NAF1: variants seen among roughly 807,000 people sequenced by gnomAD.
NAF1 encodes the protein nuclear assembly factor 1 ribonucleoprotein.
In NAF1, 11 loss-of-function variants were observed where a neutral mutation model predicts 40.6. The observed-to-expected ratio is 0.27, with a 90% confidence interval of 0.17 to 0.45. The LOEUF (loss-of-function observed/expected upper bound fraction) is 0.45. NAF1 is among the 20% of genes least tolerant of loss of function. The probability of loss-of-function intolerance (pLI) is 1.00; values close to 1 mark genes in which losing one functional copy is unlikely to be tolerated. For synonymous variants in NAF1, 260 were observed against 228.5 expected (o/e 1.14, Z -1.24); for missense variants, 607 against 611.1 (o/e 0.99, Z 0.07).
At chr4:163,159,430 C>T in intron 2 of NAF1, among the ~76,000 whole-genome samples, 1 of 151,926 alleles carries the variant, frequency 6.6e-6, no homozygotes, top group East Asian at 1.9e-4. Flanking sequence ...GTAATAAAAA[C>T]CTAAGTTAAA....
intron 1 of NAF1, among the ~76,000 whole-genome samples, chr4:163,165,339 T>C (rs1346948421): frequency 1.3e-5 from 2 of 152,196 alleles, no homozygotes; most frequent in Non-Finnish European, 2.9e-5. Flanking sequence ...GAGTCAGAAG[T>C]AGTATCCTGA....
At chr4:163,164,416 AAAT>A in intron 1 of NAF1, 25 bp from the exon 2 acceptor site, 1 of 1,470,882 alleles carries the variant, frequency 6.8e-7, no homozygotes, top group Non-Finnish European at 9.1e-7. Flanking sequence ...ACAGTTAAAA[AAAT>A]AGTCCAGTAT....
At chr4:163,104,832 T>A in the NAF1 span, among the ~76,000 whole-genome samples, 3 of 152,346 alleles carry the variant, frequency 2.0e-5, no homozygotes, top group Admixed American at 6.5e-5. Context: ...TGATTTTTAG[T>A]ATAAATGACT....
chr4:163,160,110 G>A (rs1256307999), intron 2 of NAF1, among the ~76,000 whole-genome samples: 1 of 152,092 alleles, frequency 6.6e-6, no homozygotes, highest in East Asian at 1.9e-4. Context: ...TACATCCTAT[G>A]TGGCTCAACG....
At chr4:163,142,715 C>T (rs1731310795) in intron 4 of NAF1, among the ~76,000 whole-genome samples, 1 of 152,160 alleles carries the variant, frequency 6.6e-6, no homozygotes, top group Admixed American at 6.5e-5. Context: ...AAAACTTGAC[C>T]AAGTTCACAT....
chr4:163,163,360 G>A (rs1732306097), intron 2 of NAF1, among the ~76,000 whole-genome samples: 1 of 152,118 alleles, frequency 6.6e-6, no homozygotes, highest in South Asian at 2.1e-4. Context: ...GCTCCTGAGT[G>A]CCTGTAGGCT....
intron 2 of NAF1, among the ~76,000 whole-genome samples, chr4:163,113,797 A>G (rs1452815161): frequency 2.0e-5 from 3 of 152,196 alleles, no homozygotes; most frequent in Admixed American, 2.0e-4. Context: ...CAACTACTTG[A>G]TCACTTAAAG....
At chr4:163,138,629 G>A (rs1032695648) in intron 5 of NAF1, among the ~76,000 whole-genome samples, 1 of 152,156 alleles carries the variant, frequency 6.6e-6, no homozygotes, top group Admixed American at 6.5e-5. Flanking sequence ...GCCAAAATGA[G>A]GTCTAGAATA....
chr4:163,152,979 T>C (rs1239600183), intron 2 of NAF1, among the ~76,000 whole-genome samples: 1 of 152,158 alleles, frequency 6.6e-6, no homozygotes, highest in Non-Finnish European at 1.5e-5. Flanking sequence ...AGTGAGGGGC[T>C]TAGCACCCGG....
intron 2 of NAF1, among the ~76,000 whole-genome samples, chr4:163,152,988 G>A (rs924000611): frequency 2.0e-5 from 3 of 152,202 alleles, no homozygotes; most frequent in Admixed American, 6.5e-5. Flanking sequence ...CTTAGCACCC[G>A]GGCCAGCAGC....
At chr4:163,110,260 G>A (rs1396676663) in exon 3 of NAF1, 7 of 701,034 alleles carry the variant, frequency 1.0e-5, no homozygotes, top group East Asian at 5.4e-5. Context: ...GTCACTTTTC[G>A]TGGTTTCAGT....
intron 7 of NAF1, among the ~76,000 whole-genome samples, chr4:163,132,927 C>T (rs1310776896): frequency 2.0e-5 from 3 of 152,236 alleles, no homozygotes; most frequent in African/African-American, 4.8e-5. Flanking sequence ...AAAGTGCTGA[C>T]AAGCACGAGT....
chr4:163,166,814 G>C lies in NAF1; in HGVS notation c.-87C>G, dbSNP rs1051950843. 6 of 1,524,994 alleles carry C rather than the reference G, an allele frequency of 3.9e-6. No homozygotes were observed. Among genetic ancestry groups the C allele is most frequent in the Admixed American group, 2.1e-5 (1 of 47,034 alleles). The allele number at this position is 1,524,994 out of a possible 1,614,324, so 94.5% of individuals were successfully genotyped here. A position where few individuals can be genotyped will look rare whatever the true frequency, so the allele number is the denominator to read the frequency against. On this transcript the variant is annotated 5_prime_UTR_variant, in exon 1 of 8. Coordinates refer to ENST00000274054, the MANE Select transcript of NAF1 (RefSeq NM_138386.3). ...TCTCCAGAAATAGAAAAACAACTTAGGCAACCGCAGCAACACTGCCTGGGC... is the reference window on the plus strand; with the variant it reads ...TCTCCAGAAATAGAAAAACAACTTACGCAACCGCAGCAACACTGCCTGGGC...
intron 7 of NAF1, among the ~76,000 whole-genome samples, chr4:163,130,592 A>C (rs1181968042): frequency 6.6e-6 from 1 of 152,228 alleles, no homozygotes; most frequent in African/African-American, 2.4e-5. Flanking sequence ...ACAAAATAGA[A>C]GGTACAAAAA....
intron 2 of NAF1, chr4:163,119,739 C>T (rs1730461400): frequency 6.6e-6 from 1 of 152,054 alleles, no homozygotes; most frequent in African/African-American, 2.4e-5. Context: ...CTCCACAGTC[C>T]GTATATTAGA....
chr4:163,160,797 T>C (rs1026600230), intron 2 of NAF1, among the ~76,000 whole-genome samples: 2 of 152,210 alleles, frequency 1.3e-5, no homozygotes, highest in East Asian at 3.9e-4. Flanking sequence ...AATTTGTGTA[T>C]ATCTTTTGGC....
chr4:163,108,182 G>T (rs1014596526), downstream of NAF1, among the ~76,000 whole-genome samples: 4 of 152,136 alleles, frequency 2.6e-5, no homozygotes, highest in African/African-American at 9.6e-5. Flanking sequence ...AAATCACCTG[G>T]CCCTTGACCT....
chr4:163,164,131 G>A (rs1238679276), intron 2 of NAF1, 86 bp downstream of exon 2: 4 of 1,346,632 alleles, frequency 3.0e-6, no homozygotes, highest in African/African-American at 1.5e-5. Context: ...AATTTATGGA[G>A]CAGATATAGG....
rs890363018 is a variant in NAF1, at chr4:163,139,036, T to A, written c.878+1187A>T. The stretch of plus-strand genomic sequence containing the variant: ...AACTTAGGCAAAATATTCCTCCAGA[T>A]CTTTATGTAGATTCTTAAACATGAG... On this transcript the variant is annotated intron_variant, in intron 5 of 7. Coordinates refer to ENST00000274054, the MANE Select transcript of NAF1 (RefSeq NM_138386.3). Among the ~76,000 whole-genome samples the A allele has an allele frequency of 7.9e-4, 120 of 152,232 alleles. 1 individual carries two copies. The highest frequency in any genetic ancestry group is 2.8e-3 in the African/African-American group (116 of 41,568).
Sources: allele counts gnomAD v4.1 joint callset (sites outside exome capture counted in the v4.1 genomes callset), GRCh38; gene constraint gnomAD v4.1.1; transcripts MANE v1.5; gene names NCBI Gene and HGNC (gene_info 2026-07-23, HGNC 2026-07-21).